Variants in TBCD observed in about 807,000 individuals in gnomAD.
The protein encoded by TBCD is tubulin folding cofactor D.
Under a neutral mutation model 169.3 loss-of-function variants are expected in TBCD, and 105 were observed. That is an observed-to-expected ratio of 0.62 (90% confidence interval 0.53 to 0.73). The LOEUF is 0.73. TBCD is among the 30% of genes least tolerant of loss of function. TBCD has a pLI of 0.00. For synonymous variants in TBCD, 700 were observed against 643.9 expected (o/e 1.09, Z -1.32); for missense variants, 1,444 against 1,600.1 (o/e 0.90, Z 1.66).
chr17:82,767,902 C>T (rs1277355899), intron 4 of TBCD, among the ~76,000 whole-genome samples: 1 of 151,222 alleles, frequency 6.6e-6, no homozygotes, highest in East Asian at 2.0e-4. Flanking sequence ...TTGCAGTGAG[C>T]GAGGTTGCGC....
At chr17:82,774,525 G>T (rs892926690) in intron 6 of TBCD, among the ~76,000 whole-genome samples, 2 of 151,984 alleles carry the variant, frequency 1.3e-5, no homozygotes, top group African/African-American at 2.4e-5. Flanking sequence ...CGACAAAACC[G>T]CCATCGTCAT....
chr17:82,843,293 C>G (rs186453753), intron 13 of TBCD, among the ~76,000 whole-genome samples: 1,572 of 149,748 alleles, frequency 0.01, 93 homozygotes, highest in Admixed American at 0.09. Flanking sequence ...CCCTCCCTGT[C>G]CAGCTTACTT....
chr17:82,929,692 G>T (rs2062042810), intron 32 of TBCD, 192 bp downstream of exon 32: 1 of 784,434 alleles, frequency 1.3e-6, no homozygotes. Context: ...CCTGTGGGAT[G>T]GTTGAGTCTG....
chr17:82,846,707 C>A (rs1169621199), intron 13 of TBCD, among the ~76,000 whole-genome samples: 1 of 152,114 alleles, frequency 6.6e-6, no homozygotes, highest in Non-Finnish European at 1.5e-5. Flanking sequence ...AGCAGCAGCC[C>A]AGGAGCGGGT....
At chr17:82,830,409 G>A in intron 13 of TBCD, 1 of 1,611,748 alleles carries the variant, frequency 6.2e-7, no homozygotes, top group Non-Finnish European at 8.5e-7. Context: ...ACAGGGCCAC[G>A]GCTGCCGTCT....
At chr17:82,858,659 G>A (rs2056510969) in intron 13 of TBCD, 3 of 985,376 alleles carry the variant, frequency 3.0e-6, no homozygotes, top group Non-Finnish European at 1.2e-6. Context: ...GCTTTTGAAT[G>A]TGCCTGAGGT....
intron 13 of TBCD, among the ~76,000 whole-genome samples, chr17:82,865,123 T>C (rs1331987077): frequency 6.6e-6 from 1 of 152,198 alleles, no homozygotes; most frequent in East Asian, 1.9e-4. Context: ...CCAGGTGTTC[T>C]GTCCATCACT....
Position 82,831,918 on chromosome 17 carries a change from G to C in TBCD, c.1318+16984G>C, listed in dbSNP as rs948959982. 1 of 1,614,168 alleles carries C rather than the reference G, an allele frequency of 6.2e-7. No individual in the cohort carries two copies. The highest frequency in any genetic ancestry group is 2.2e-5 in the East Asian group (1 of 44,876). On this transcript the variant is annotated intron_variant, in intron 13 of 38. Coordinates refer to ENST00000355528, the MANE Select transcript of TBCD (RefSeq NM_005993.5). The surrounding 1 kb of genome is among the most constrained non-coding windows in gnomAD (Gnocchi z 4.6). ...TGGGGTTGTGTAAAGCCAGTGTCTC[G>C]GGCGCCTCGGCGTTGTCTGGCCCCT... is the stretch of plus-strand genomic sequence containing the variant.
chr17:82,922,967 G>A lies in TBCD; in HGVS notation c.2179-685G>A, dbSNP rs926731320. On this transcript the variant is annotated intron_variant, in intron 25 of 38. Transcript: ENST00000355528. The surrounding 1 kb of genome is among the most constrained non-coding windows in gnomAD (Gnocchi z 4.1). Reference sequence around the variant, plus strand: ...GACTGGTGACTCTCTGCCCGCTCCTGCTCTGTGCAGCAATTGCCGTCCCTC... The same window carrying A: ...GACTGGTGACTCTCTGCCCGCTCCTACTCTGTGCAGCAATTGCCGTCCCTC... 1.3e-5 allele frequency among the ~76,000 whole-genome samples: 2 copies of A among 152,248 alleles called. No homozygotes were observed. Among genetic ancestry groups the A allele is most frequent in the Non-Finnish European group, 2.9e-5 (2 of 68,044 alleles).
Position 82,924,887 on chromosome 17 carries a change from G to A in TBCD, c.2261-52G>A, listed in dbSNP as rs947437693. 3.0e-5 allele frequency: 43 copies of A among 1,453,704 alleles called. No individual in the cohort carries two copies. In the South Asian group the frequency reaches 5.2e-4, roughly 17 times the overall value. 90.1% of individuals were successfully genotyped at this position (1,453,704 alleles called of 1,614,324 possible). A position where few individuals can be genotyped will look rare whatever the true frequency, so the allele number is the denominator to read the frequency against. On this transcript the variant is annotated intron_variant, in intron 26 of 38. Coordinates refer to ENST00000355528, the MANE Select transcript of TBCD (RefSeq NM_005993.5). ...TTTGGGGCACACGTCGGGTGTGGCT[G>A]TACACGATGGGCAGCAGAGGGCCTC...
In TBCD at chr17:82,943,948, G is replaced by A. The variant is rs536333367; in HGVS notation, c.*1485G>A. The A allele has an allele frequency of 2.0e-5, 3 of 152,362 alleles. No individual in the cohort carries two copies. The highest frequency in any genetic ancestry group is 1.3e-4 in the Admixed American group (2 of 15,308). The allele number at this position is 152,362 out of a possible 1,614,324, so 9.4% of individuals were successfully genotyped here. ...ACACAGTGGAAAAGGCTTGGCTCCT[G>A]TGGTCGGCACACACGAGACTCTGGT... On this transcript the variant is annotated 3_prime_UTR_variant, in exon 39 of 39. Coordinates refer to ENST00000355528, the MANE Select transcript of TBCD (RefSeq NM_005993.5).
At chr17:82,804,819 C>T (rs1489978699) in intron 9 of TBCD, among the ~76,000 whole-genome samples, 1 of 152,186 alleles carries the variant, frequency 6.6e-6, no homozygotes, top group African/African-American at 2.4e-5. Context: ...CGGTGGGGGT[C>T]GTGGGCTGTC....
At chr17:82,839,526 T>C (rs1246523876) in intron 13 of TBCD, among the ~76,000 whole-genome samples, 1 of 152,182 alleles carries the variant, frequency 6.6e-6, no homozygotes, top group Non-Finnish European at 1.5e-5. Flanking sequence ...ACACCACACA[T>C]ATAACCCTAA....
At chr17:82,828,414 A>C (rs898312967) in intron 13 of TBCD, among the ~76,000 whole-genome samples, 10 of 148,078 alleles carry the variant, frequency 6.8e-5, no homozygotes, top group South Asian at 2.2e-4. Context: ...ATGCACACAC[A>C]CCCGCAGATA....
At chr17:82,812,387 C>T (rs1365225152) in intron 12 of TBCD, among the ~76,000 whole-genome samples, 4 of 152,136 alleles carry the variant, frequency 2.6e-5, no homozygotes, top group Non-Finnish European at 4.4e-5. Context: ...TTTACGGTTT[C>T]ATCGAGGTTT....
chr17:82,855,073 C>T (rs983118445), intron 13 of TBCD, among the ~76,000 whole-genome samples: 1 of 151,966 alleles, frequency 6.6e-6, no homozygotes, highest in African/African-American at 2.4e-5. Flanking sequence ...CTTCCTCCGC[C>T]TGCCAGCTGC....
In TBCD at chr17:82,945,564, C is replaced by T. The variant is rs2063639164; in HGVS notation, c.*3101C>T. 6.6e-6 allele frequency: 1 copy of T among 152,182 alleles called. No individual in the cohort carries two copies. Among genetic ancestry groups the T allele is most frequent in the East Asian group, 1.9e-4 (1 of 5,204 alleles). 9.4% of individuals were successfully genotyped at this position (152,182 alleles called of 1,614,324 possible). A position where few individuals can be genotyped will look rare whatever the true frequency, so the allele number is the denominator to read the frequency against. On this transcript the variant is annotated 3_prime_UTR_variant, in exon 39 of 39. Coordinates refer to ENST00000355528, the MANE Select transcript of TBCD (RefSeq NM_005993.5). ...TGCTTGAATTGTGCCCACAGCATAA[C>T]ATTAAAGAAGAGAACAAAATTAAGT...
rs1445131070 is a variant in TBCD, at chr17:82,915,265, G to A, written c.2038+3476G>A. Among the ~76,000 whole-genome samples, 1 of 152,192 alleles carries A rather than the reference G, an allele frequency of 6.6e-6. No individual in the cohort carries two copies. The highest frequency in any genetic ancestry group is 2.4e-5 in the African/African-American group (1 of 41,450). On this transcript the variant is annotated intron_variant, in intron 23 of 38. Coordinates refer to ENST00000355528, the MANE Select transcript of TBCD (RefSeq NM_005993.5). The surrounding 1 kb of genome is among the most constrained non-coding windows in gnomAD (Gnocchi z 4.3). ...GGTGCGCCCTGGCCGCAGGTGCCCC[G>A]GAGGTGTCGAACCGCAGATTTCTTC...
intron 7 of TBCD, chr17:82,795,648 T>A: frequency 1.0e-6 from 1 of 964,856 alleles, no homozygotes; most frequent in East Asian, 1.1e-4. Context: ...TGGAACAACG[T>A]ACTCCACAGC....
Sources: allele counts gnomAD v4.1 joint callset (sites outside exome capture counted in the v4.1 genomes callset), GRCh38; gene constraint gnomAD v4.1.1; non-coding constraint Gnocchi (gnomAD v3.1); transcripts MANE v1.5; gene names NCBI Gene and HGNC (gene_info 2026-07-23, HGNC 2026-07-21).